Variants in PPARGC1A observed in about 807,000 individuals in gnomAD.
PPARGC1A encodes the protein peroxisome proliferator-activated receptor gamma coactivator 1-alpha.
A neutral mutation model predicts 88.7 loss-of-function variants in PPARGC1A; 25 were observed. That is an observed-to-expected ratio of 0.28 (90% CI 0.21 to 0.39). The LOEUF is 0.39. PPARGC1A is among the 10% of genes least tolerant of loss of function. The pLI is 1.00. For missense variants in PPARGC1A, 880 were observed against 968.7 expected (o/e 0.91, Z 1.22); for synonymous variants, 363 against 355.6 (o/e 1.02, Z -0.24).
the PPARGC1A span, among the ~76,000 whole-genome samples, chr4:23,941,302 C>T: frequency 6.6e-6 from 1 of 152,304 alleles, no homozygotes; most frequent in South Asian, 2.1e-4. Context: ...AAACTAATCT[C>T]CTGCTTTGGC....
At chr4:24,169,461 TA>T in the PPARGC1A span, among the ~76,000 whole-genome samples, 2 of 152,118 alleles carry the variant, frequency 1.3e-5, no homozygotes, top group Non-Finnish European at 2.9e-5. Flanking sequence ...CCTACTCATG[TA>T]AGATGTTATA....
chr4:24,174,512 C>T, the PPARGC1A span, among the ~76,000 whole-genome samples: 1 of 152,198 alleles, frequency 6.6e-6, no homozygotes, highest in Non-Finnish European at 1.5e-5. Flanking sequence ...TTAATAAGCA[C>T]TCACTGCGGA....
chr4:23,832,982 C>A (rs1419542247), intron 2 of PPARGC1A, among the ~76,000 whole-genome samples: 1 of 152,120 alleles, frequency 6.6e-6, no homozygotes. Context: ...TTCCCACCAA[C>A]ACACTCATAG....
At chr4:24,157,833 C>T in the PPARGC1A span, among the ~76,000 whole-genome samples, 1 of 152,020 alleles carries the variant, frequency 6.6e-6, no homozygotes, top group Non-Finnish European at 1.5e-5. Flanking sequence ...TTGATTATTG[C>T]CCTCATCCCC....
the PPARGC1A span, among the ~76,000 whole-genome samples, chr4:24,242,798 C>T: frequency 6.6e-6 from 1 of 152,182 alleles, no homozygotes; most frequent in Non-Finnish European, 1.5e-5. Flanking sequence ...TCCCCAAGCT[C>T]ACTCCTGTCA....
At chr4:23,808,393 G>A (rs183780164) in intron 10 of PPARGC1A, among the ~76,000 whole-genome samples, 1 of 152,178 alleles carries the variant, frequency 6.6e-6, no homozygotes, top group East Asian at 1.9e-4. Context: ...AGCAGTCATT[G>A]CCGCCTGAGC....
chr4:23,801,969 G>T, intron 11 of PPARGC1A, 88 bp from the exon 12 acceptor site: 1 of 1,495,884 alleles, frequency 6.7e-7, no homozygotes, highest in East Asian at 2.4e-5. Context: ...GACTTCTCCA[G>T]TGCCAACGTC....
the PPARGC1A span, among the ~76,000 whole-genome samples, chr4:24,339,974 T>A: frequency 5.9e-5 from 9 of 152,114 alleles, no homozygotes; most frequent in Non-Finnish European, 1.3e-4. Context: ...CCTGACCTCG[T>A]GATCCGCCTG....
chr4:24,137,968 C>A, the PPARGC1A span, among the ~76,000 whole-genome samples: 1 of 152,154 alleles, frequency 6.6e-6, no homozygotes, highest in Non-Finnish European at 1.5e-5. Flanking sequence ...ATCATAAAAA[C>A]CTTTCTCAGT....
the PPARGC1A span, among the ~76,000 whole-genome samples, chr4:24,031,228 G>A: frequency 2.0e-5 from 3 of 152,112 alleles, no homozygotes; most frequent in South Asian, 4.2e-4. Context: ...CACAAGAATC[G>A]AATCACTTGC....
chr4:24,401,773 C>T, the PPARGC1A span, among the ~76,000 whole-genome samples: 1 of 152,302 alleles, frequency 6.6e-6, no homozygotes, highest in South Asian at 2.1e-4. Flanking sequence ...TACAAATAGG[C>T]ATGACAATAG....
the PPARGC1A span, among the ~76,000 whole-genome samples, chr4:24,401,240 G>C: frequency 9.9e-5 from 15 of 151,738 alleles, no homozygotes; most frequent in Non-Finnish European, 1.9e-4. Flanking sequence ...GGATGGTCTC[G>C]ATCTCCTGAC....
the PPARGC1A span, among the ~76,000 whole-genome samples, chr4:24,430,522 A>T: frequency 6.6e-6 from 1 of 151,798 alleles, no homozygotes; most frequent in African/African-American, 2.4e-5. Flanking sequence ...CGGCCTCCCA[A>T]AGGGCTAGGA....
the PPARGC1A span, among the ~76,000 whole-genome samples, chr4:24,012,505 T>A: frequency 1.2e-4 from 18 of 152,200 alleles, no homozygotes; most frequent in East Asian, 3.5e-3. Context: ...CCCCTCTGCC[T>A]CAGATCTTTG....
chr4:23,866,091 A>C (rs1252906477), intron 2 of PPARGC1A: 1 of 152,204 alleles, frequency 6.6e-6, no homozygotes, highest in Non-Finnish European at 1.5e-5. Flanking sequence ...AAGAGTTGTG[A>C]ATATGTAAGA....
chr4:24,271,072 T>C, the PPARGC1A span, among the ~76,000 whole-genome samples: 1 of 152,174 alleles, frequency 6.6e-6, no homozygotes, highest in African/African-American at 2.4e-5. Flanking sequence ...AATTGGTAAT[T>C]ATGGTAGTAA....
chr4:24,220,591 G>C, the PPARGC1A span, among the ~76,000 whole-genome samples: 1 of 152,026 alleles, frequency 6.6e-6, no homozygotes, highest in African/African-American at 2.4e-5. Context: ...ATATAGCTGG[G>C]GGCCATTATC....
the PPARGC1A span, among the ~76,000 whole-genome samples, chr4:24,420,259 G>T: frequency 6.6e-6 from 1 of 152,212 alleles, no homozygotes; most frequent in African/African-American, 2.4e-5. Context: ...TCTCAGAACA[G>T]AAAGTGTGCA....
At chr4:23,853,357 T>G (rs1242457642) in intron 2 of PPARGC1A, among the ~76,000 whole-genome samples, 1 of 152,198 alleles carries the variant, frequency 6.6e-6, no homozygotes, top group African/African-American at 2.4e-5. Flanking sequence ...TTATGTGTTC[T>G]ATTACAATGG....
Sources: gnomAD v4.1 joint callset for allele counts (sites outside exome capture counted in the v4.1 genomes callset) on GRCh38, gnomAD v4.1.1 for gene constraint, MANE v1.5 for transcripts, NCBI Gene and HGNC (gene_info 2026-07-23, HGNC 2026-07-21) for gene names.